SPDYE17: variants seen among roughly 807,000 people sequenced by gnomAD.
SPDYE17 encodes the protein speedy protein E17.
For synonymous variants in SPDYE17, 4 were observed against 14.8 expected, an observed-to-expected ratio of 0.27 and a Z score of 1.68; for missense variants, 7 against 38.0, an observed-to-expected ratio of 0.18 and a Z score of 2.15.
At chr7:77,026,471 G>A (rs1789434253) in intron 5 of SPDYE17, among the ~76,000 whole-genome samples, 1 of 149,382 alleles carries the variant, frequency 6.7e-6, no homozygotes. Context: ...CAGTGGATTC[G>A]AGTGATGCAA....
Position 77,028,291 on chromosome 7 carries a change from G to A in SPDYE17, c.350-91C>T, listed in dbSNP as rs562266928. 3.3e-5 allele frequency: 35 copies of A among 1,047,552 alleles called. 4 individuals are homozygous for A. In the South Asian group the frequency reaches 4.7e-4, roughly 14 times the overall value. 64.9% of individuals were successfully genotyped at this position (1,047,552 alleles called of 1,614,324 possible). On this transcript the variant is annotated intron_variant, in intron 3 of 7. Coordinates refer to ENST00000671986, the MANE Select transcript of SPDYE17 (RefSeq NM_001351351.3). ...GCGAGGAGAAGTGTGCCTCCCGGGG[G>A]AAAGTCTCAGGATTGTGGCTGCGGG...
chr7:77,023,152 TAAA>T lies in SPDYE17; in HGVS notation c.*678_*680del, dbSNP rs1264561562. Reference sequence around the variant, plus strand: ...AATACAGAAAAAAATTTAAAGATAATAAAAGATTTAGGATAAAAAGAATTCTCA... The same window carrying T: ...AATACAGAAAAAAATTTAAAGATAATAGATTTAGGATAAAAAGAATTCTCA... On this transcript the variant is annotated 3_prime_UTR_variant, in exon 8 of 8. Transcript: ENST00000671986. Among the ~76,000 whole-genome samples, 1 of 66,258 alleles carries T rather than the reference TAAA, an allele frequency of 1.5e-5. No homozygotes were observed. The highest frequency in any genetic ancestry group is 1.6e-4 in the Admixed American group (1 of 6,076). The allele number at this position is 66,258 out of a possible 152,430, so 43.5% of individuals were successfully genotyped here.
At chr7:77,026,478 G>A (rs1789434383) in intron 5 of SPDYE17, among the ~76,000 whole-genome samples, 1 of 149,680 alleles carries the variant, frequency 6.7e-6, no homozygotes, top group African/African-American at 2.4e-5. Context: ...TTCGAGTGAT[G>A]CAAGGGGGAC....
In SPDYE17 at chr7:77,029,922, G is replaced by A. The variant is rs1342037185; in HGVS notation, c.131-471C>T. Among the ~76,000 whole-genome samples the A allele has an allele frequency of 1.2e-4, 15 of 124,558 alleles. 1 individual carries two copies. The highest frequency in any genetic ancestry group is 3.8e-4 in the African/African-American group (13 of 34,194). 81.7% of individuals were successfully genotyped at this position (124,558 alleles called of 152,430 possible). A position where few individuals can be genotyped will look rare whatever the true frequency, so the allele number is the denominator to read the frequency against. On this transcript the variant is annotated intron_variant, in intron 2 of 7. Coordinates refer to ENST00000671986, the MANE Select transcript of SPDYE17 (RefSeq NM_001351351.3). Reference sequence around the variant, plus strand: ...GGGTTTCACCATGTTGGCCAGGCTGGTCTCAAACTCCTGGCCTCAAGTGAT... The same window carrying A: ...GGGTTTCACCATGTTGGCCAGGCTGATCTCAAACTCCTGGCCTCAAGTGAT...
chr7:77,026,040 T>C (rs1229159538), intron 5 of SPDYE17, among the ~76,000 whole-genome samples: 2 of 130,176 alleles, frequency 1.5e-5, no homozygotes, highest in African/African-American at 5.9e-5. Context: ...AATCCCAATG[T>C]CACATTATAA....
intron 5 of SPDYE17, among the ~76,000 whole-genome samples, chr7:77,025,933 A>G (rs562466672): frequency 7.0e-6 from 1 of 143,446 alleles, no homozygotes; most frequent in South Asian, 2.3e-4. Context: ...TGTCTCAAAA[A>G]AAAAAAAGCA....
intron 5 of SPDYE17, among the ~76,000 whole-genome samples, chr7:77,025,967 A>C (rs1212580012): frequency 1.4e-5 from 2 of 139,990 alleles, no homozygotes; most frequent in Non-Finnish European, 3.0e-5. Flanking sequence ...ATATTTTGCC[A>C]GGACCCTGCC....
chr7:77,028,338 G>T lies in SPDYE17; in HGVS notation c.350-138C>A, dbSNP rs1427222859. On this transcript the variant is annotated intron_variant, in intron 3 of 7. Transcript: ENST00000671986. ...CGGGTGAGGTGGATGGGAGAGGGGA[G>T]AATGACTTTCACTGGGCAAGGGAGA... 3 of 569,594 alleles carry T rather than the reference G, an allele frequency of 5.3e-6. 1 individual carries two copies. The highest frequency in any genetic ancestry group is 8.1e-6 in the Non-Finnish European group (3 of 369,926). 35.3% of individuals were successfully genotyped at this position (569,594 alleles called of 1,614,324 possible).
chr7:77,027,912 T>G (rs1198381684), intron 4 of SPDYE17, among the ~76,000 whole-genome samples: 1 of 131,102 alleles, frequency 7.6e-6, no homozygotes, highest in Non-Finnish European at 1.6e-5. Context: ...GGAGAATCGC[T>G]TGAACCCAGG....
At chr7:77,025,387 G>T (rs1160757795) in intron 5 of SPDYE17, 1 of 126,120 alleles carries the variant, frequency 7.9e-6, no homozygotes, top group Non-Finnish European at 1.4e-5. Context: ...GAAGCAGGAG[G>T]ATCACTTGAG....
chr7:77,027,140 TG>T (rs1789447260), intron 4 of SPDYE17, among the ~76,000 whole-genome samples: 1 of 113,476 alleles, frequency 8.8e-6, no homozygotes. Context: ...CCCAGGATGG[TG>T]GGCTCCGATG....
rs1238120887 is a variant in SPDYE17 at position 77,032,210 on chromosome 7, C to CAA, written c.-454+28_-454+29dup. 4.9e-3 allele frequency among the ~76,000 whole-genome samples: 375 copies of CAA among 75,942 alleles called. 12 individuals are homozygous for CAA. Among genetic ancestry groups the CAA allele is most frequent in the African/African-American group, 0.016 (300 of 18,674 alleles). 49.8% of individuals were successfully genotyped at this position (75,942 alleles called of 152,430 possible). A position where few individuals can be genotyped will look rare whatever the true frequency, so the allele number is the denominator to read the frequency against. On this transcript the variant is annotated intron_variant, in intron 1 of 7. Transcript: ENST00000671986. ...GGGCAACAAGAGCAAAACTACATCTCAAAAAAAAAAAAAAACAAACAAAAA... is the reference window on the plus strand; with the variant it reads ...GGGCAACAAGAGCAAAACTACATCTCAAAAAAAAAAAAAAAAACAAACAAAAA...
chr7:77,026,072 C>T (rs1466177353), intron 5 of SPDYE17, among the ~76,000 whole-genome samples: 5 of 126,970 alleles, frequency 3.9e-5, no homozygotes, highest in Admixed American at 9.4e-5. Flanking sequence ...TGGAGAGCTA[C>T]GGGCATGCAG....
intron 5 of SPDYE17, among the ~76,000 whole-genome samples, chr7:77,026,037 A>T (rs887114484): frequency 1.5e-5 from 2 of 131,124 alleles, no homozygotes; most frequent in African/African-American, 5.9e-5. Context: ...CCTAATCCCA[A>T]TGTCACATTA....
In SPDYE17 at chr7:77,026,120, A is replaced by C. The variant is rs80021772; in HGVS notation, c.494+709T>G. On this transcript the variant is annotated intron_variant, in intron 5 of 7. Transcript: ENST00000671986. ...GAGGGAAGGCATCACAGAGGCTGTG[A>C]GGTGAACCGACTTCAAGGAATGGGT... Among the ~76,000 whole-genome samples, 3 of 118,374 alleles carry C rather than the reference A, an allele frequency of 2.5e-5. No homozygotes were observed. In the East Asian group the frequency reaches 1.1e-3, roughly 42 times the overall value. The allele number at this position is 118,374 out of a possible 152,430, so 77.7% of individuals were successfully genotyped here.
At chr7:77,026,594 G>T (rs1789437295) in intron 5 of SPDYE17, among the ~76,000 whole-genome samples, 3 of 149,002 alleles carry the variant, frequency 2.0e-5, no homozygotes, top group South Asian at 2.2e-4. Flanking sequence ...CTTGCTGGGG[G>T]AAGTGTCATG....
chr7:77,026,122 G>A (rs1325636479), intron 5 of SPDYE17, among the ~76,000 whole-genome samples: 2 of 130,036 alleles, frequency 1.5e-5, no homozygotes, highest in Non-Finnish European at 3.1e-5. Flanking sequence ...AGGCTGTGAG[G>A]TGAACCGACT....
At position 77,027,671 on chromosome 7, in the gene SPDYE17, GA is replaced by G. The variant is rs1395353044; in HGVS notation, c.408+470del. 1.2e-4 allele frequency among the ~76,000 whole-genome samples: 12 copies of G among 102,256 alleles called. 2 individuals are homozygous for G. Among genetic ancestry groups the G allele is most frequent in the Admixed American group, 7.8e-4 (6 of 7,664 alleles). 67.1% of individuals were successfully genotyped at this position (102,256 alleles called of 152,430 possible). ...GGGAGCAGAGCTGGACTCTGTCTCA[GA>G]AAAAAAAATGTGTGGGTGCCAAGAC... On this transcript the variant is annotated intron_variant, in intron 4 of 7. Coordinates refer to ENST00000671986, the MANE Select transcript of SPDYE17 (RefSeq NM_001351351.3).
intron 2 of SPDYE17, among the ~76,000 whole-genome samples, chr7:77,029,665 A>C (rs1789477486): frequency 6.5e-5 from 3 of 46,014 alleles, no homozygotes; most frequent in Non-Finnish European, 1.0e-4. Context: ...ACTGCCTCAT[A>C]TCCTTCCCTG....
Sources: gnomAD v4.1 joint callset for allele counts (sites outside exome capture counted in the v4.1 genomes callset) on GRCh38, gnomAD v4.1.1 for gene constraint, MANE v1.5 for transcripts, NCBI Gene and HGNC (gene_info 2026-07-23, HGNC 2026-07-21) for gene names.